Variants in AFF2 observed in about 807,000 individuals in gnomAD.
The protein encoded by AFF2 is AF4/FMR2 family member 2.
AFF2 carries 14 observed loss-of-function variants against 76.9 expected under a neutral mutation model. That is an observed-to-expected ratio of 0.18 (90% CI 0.12 to 0.28). The LOEUF (loss-of-function observed/expected upper bound fraction) is 0.28. Among genes scored for constraint, AFF2 ranks in the 10% least tolerant of loss-of-function variants. AFF2 has a pLI of 1.00. For synonymous variants in AFF2, 398 were observed against 366.7 expected, an observed-to-expected ratio of 1.09 and a Z score of -0.98; for missense variants, 868 against 1,001.1, an observed-to-expected ratio of 0.87 and a Z score of 1.79.
chrX:148,842,845 T>C, intron 5 of AFF2, 121 bp from the exon 6 acceptor site: 1 of 533,888 alleles, frequency 1.9e-6, no homozygotes, highest in Non-Finnish European at 2.9e-6. Flanking sequence ...AATGGAATTG[T>C]TAACAGCAGC....
At chrX:148,614,098 C>T (rs1311352060) in intron 1 of AFF2, among the ~76,000 whole-genome samples, 2 of 111,755 alleles carry the variant, frequency 1.8e-5, no homozygotes, top group African/African-American at 6.5e-5. Context: ...GCTAGGGGGA[C>T]CATCAGAGAT....
At chrX:148,985,120 G>C (rs2072447924) in intron 19 of AFF2, among the ~76,000 whole-genome samples, 2 of 108,025 alleles carry the variant, frequency 1.9e-5, no homozygotes, top group South Asian at 4.1e-4. Context: ...AAGTAGCTGG[G>C]ACTACAGGCG....
At chrX:148,989,426 G>A in intron 20 of AFF2, among the ~76,000 whole-genome samples, 1 of 112,373 alleles carries the variant, frequency 8.9e-6, no homozygotes, top group Non-Finnish European at 1.9e-5. Flanking sequence ...TCAAAGAGTT[G>A]CTAAATTCCC....
intron 1 of AFF2, among the ~76,000 whole-genome samples, chrX:148,651,180 C>T (rs1557256290): frequency 8.9e-6 from 1 of 112,097 alleles, no homozygotes; most frequent in East Asian, 2.8e-4. Flanking sequence ...ACCAGAAGGC[C>T]TGGAATATAT....
At chrX:148,758,361 G>T (rs1215743194) in intron 3 of AFF2, among the ~76,000 whole-genome samples, 1 of 112,706 alleles carries the variant, frequency 8.9e-6, no homozygotes, top group Non-Finnish European at 1.9e-5. Flanking sequence ...TGCTTGTTTA[G>T]TTTTAAGGTT....
chrX:148,641,975 C>T, intron 1 of AFF2, among the ~76,000 whole-genome samples: 1 of 112,260 alleles, frequency 8.9e-6, no homozygotes, highest in East Asian at 2.8e-4. Context: ...ATGAGAATCT[C>T]AACATAGGAA....
At chrX:148,834,539 G>A (rs979009936) in intron 4 of AFF2, among the ~76,000 whole-genome samples, 21 of 109,279 alleles carry the variant, frequency 1.9e-4, no homozygotes, top group Non-Finnish European at 3.4e-4. Context: ...GTGTGTGTGT[G>A]TGTGTGTGTA....
intron 3 of AFF2, among the ~76,000 whole-genome samples, chrX:148,698,300 G>A (rs1022243051): frequency 8.9e-6 from 1 of 112,527 alleles, no homozygotes; most frequent in Non-Finnish European, 1.9e-5. Flanking sequence ...GCTTCCTATT[G>A]GGTCTTTGAT....
At chrX:148,675,116 T>C (rs1046965189) in intron 3 of AFF2, among the ~76,000 whole-genome samples, 23 of 111,531 alleles carry the variant, frequency 2.1e-4, no homozygotes, top group African/African-American at 7.5e-4. Context: ...CTAGAAATTA[T>C]GGCATTCTTG....
chrX:148,566,436 A>G (rs948906896), intron 1 of AFF2, among the ~76,000 whole-genome samples: 3 of 111,263 alleles, frequency 2.7e-5, no homozygotes, highest in African/African-American at 9.8e-5. Flanking sequence ...TATTATATAT[A>G]TATATGCTCT....
At chrX:148,805,188 C>A (rs942765787) in intron 3 of AFF2, among the ~76,000 whole-genome samples, 25 of 111,414 alleles carry the variant, frequency 2.2e-4, no homozygotes, top group African/African-American at 7.8e-4. Context: ...GTTTGGAAGC[C>A]GCCATCAGTG....
chrX:148,608,652 A>G (rs782247268), intron 1 of AFF2, among the ~76,000 whole-genome samples: 2 of 109,485 alleles, frequency 1.8e-5, no homozygotes, highest in East Asian at 5.8e-4. Flanking sequence ...AACTACAGGC[A>G]TGCACTACTC....
intron 3 of AFF2, among the ~76,000 whole-genome samples, chrX:148,772,985 C>A (rs1480981211): frequency 5.4e-5 from 6 of 110,671 alleles, no homozygotes; most frequent in Non-Finnish European, 1.1e-4. Context: ...AGCAAACCAC[C>A]ATGGCACAAA....
At chrX:148,714,598 G>A (rs905130149) in intron 3 of AFF2, among the ~76,000 whole-genome samples, 10 of 111,260 alleles carry the variant, frequency 9.0e-5, no homozygotes, top group Non-Finnish European at 1.7e-4. Flanking sequence ...TGTGTTTTGT[G>A]GAAGTCGTGC....
At chrX:148,635,412 C>G (rs1557253648) in intron 1 of AFF2, among the ~76,000 whole-genome samples, 1 of 111,791 alleles carries the variant, frequency 8.9e-6, no homozygotes, top group Non-Finnish European at 1.9e-5. Context: ...AGGAACGCAG[C>G]TCTGCCAATA....
intron 3 of AFF2, among the ~76,000 whole-genome samples, chrX:148,689,118 G>A (rs1557260563): frequency 9.0e-6 from 1 of 111,652 alleles, no homozygotes; most frequent in South Asian, 3.7e-4. Context: ...GGTTTCTTCT[G>A]AGCCCCCTCT....
At chrX:148,588,453 C>T (rs1414136980) in intron 1 of AFF2, among the ~76,000 whole-genome samples, 1 of 112,428 alleles carries the variant, frequency 8.9e-6, no homozygotes, top group Non-Finnish European at 1.9e-5. Flanking sequence ...AGAGACGGGA[C>T]TGATTCATGA....
intron 16 of AFF2, among the ~76,000 whole-genome samples, chrX:148,975,767 A>G (rs1282135311): frequency 9.8e-6 from 1 of 102,067 alleles, no homozygotes; most frequent in Non-Finnish European, 2.0e-5. Flanking sequence ...AAACGGTGAA[A>G]CCCCGTCTCT....
intron 1 of AFF2, among the ~76,000 whole-genome samples, chrX:148,509,905 G>C (rs1431276216): frequency 1.8e-5 from 2 of 111,373 alleles, no homozygotes; most frequent in Admixed American, 9.5e-5. Context: ...CTCTATCTCT[G>C]GGAAGCTGCT....
Sources: allele counts gnomAD v4.1 joint callset (sites outside exome capture counted in the v4.1 genomes callset), GRCh38; gene constraint gnomAD v4.1.1; transcripts MANE v1.5; gene names NCBI Gene and HGNC (gene_info 2026-07-23, HGNC 2026-07-21).